Variants in OR1J2 observed in about 807,000 individuals in gnomAD.
OR1J2 encodes the protein olfactory receptor family 1 subfamily J member 2, also known as olfactory receptor 1J2.
For synonymous variants in OR1J2, 142 were observed against 99.7 expected (o/e 1.42, Z -2.52); for missense variants, 304 against 246.1 (o/e 1.24, Z -1.57).
At chr9:122,473,388 T>C in the OR1J2 span, among the ~76,000 whole-genome samples, 10 of 152,178 alleles carry the variant, frequency 6.6e-5, no homozygotes, top group East Asian at 1.5e-3. Context: ...ATCATCTCTC[T>C]AAAAGTATTC....
the OR1J2 span, among the ~76,000 whole-genome samples, chr9:122,566,553 T>C: frequency 6.6e-6 from 1 of 152,186 alleles, no homozygotes; most frequent in African/African-American, 2.4e-5. Context: ...TCTTTGAACA[T>C]GCTGCATATA....
the OR1J2 span, chr9:122,477,651 G>T: frequency 6.2e-7 from 1 of 1,614,220 alleles, no homozygotes; most frequent in South Asian, 1.1e-5. Context: ...CCTTGTAAAA[G>T]ACGGCTAGGT....
downstream of OR1J2, among the ~76,000 whole-genome samples, chr9:122,513,709 C>T (rs1372984448): frequency 6.6e-6 from 1 of 151,922 alleles, no homozygotes; most frequent in East Asian, 1.9e-4. Flanking sequence ...CACCCCCCGA[C>T]AGGCCCTGGT....
the OR1J2 span, among the ~76,000 whole-genome samples, chr9:122,448,285 C>T: frequency 6.6e-6 from 1 of 152,154 alleles, no homozygotes; most frequent in Non-Finnish European, 1.5e-5. Flanking sequence ...TCCACCTAAA[C>T]ATCTTAGTGG....
the OR1J2 span, among the ~76,000 whole-genome samples, chr9:122,498,825 T>G: frequency 6.6e-6 from 1 of 152,186 alleles, no homozygotes; most frequent in Non-Finnish European, 1.5e-5. Context: ...CCGTTAATGT[T>G]ATTATTTATT....
the OR1J2 span, among the ~76,000 whole-genome samples, chr9:122,448,635 A>G: frequency 6.6e-6 from 1 of 152,160 alleles, no homozygotes; most frequent in Non-Finnish European, 1.5e-5. Context: ...GGCTTTCTGC[A>G]GTGCATTGTG....
At chr9:122,539,521 A>G in the OR1J2 span, among the ~76,000 whole-genome samples, 1 of 152,036 alleles carries the variant, frequency 6.6e-6, no homozygotes, top group Non-Finnish European at 1.5e-5. Flanking sequence ...TCATTGTTGG[A>G]CATTTGGGTT....
the OR1J2 span, among the ~76,000 whole-genome samples, chr9:122,453,456 A>G: frequency 6.6e-6 from 1 of 152,182 alleles, no homozygotes; most frequent in Admixed American, 6.5e-5. Context: ...ACTCTGGACC[A>G]ATGCTGGGTC....
the OR1J2 span, among the ~76,000 whole-genome samples, chr9:122,530,652 G>A: frequency 6.6e-6 from 1 of 152,212 alleles, no homozygotes; most frequent in African/African-American, 2.4e-5. Context: ...CTTTGTGTGA[G>A]CAACAAGGCT....
the OR1J2 span, chr9:122,519,845 C>G: frequency 6.2e-7 from 1 of 1,614,142 alleles, no homozygotes; most frequent in Non-Finnish European, 8.5e-7. Context: ...AGGGCATCTT[C>G]AAAGCTTTGT....
the OR1J2 span, among the ~76,000 whole-genome samples, chr9:122,520,983 G>A: frequency 6.6e-6 from 1 of 152,206 alleles, no homozygotes; most frequent in Non-Finnish European, 1.5e-5. Context: ...AAGCAGCAAT[G>A]TGTAGCTGCA....
chr9:122,577,302 G>A, the OR1J2 span, among the ~76,000 whole-genome samples: 2 of 151,936 alleles, frequency 1.3e-5, no homozygotes, highest in Admixed American at 1.3e-4. Flanking sequence ...CTCCAAATTG[G>A]GTTGATCCTA....
At chr9:122,451,910 G>A in the OR1J2 span, among the ~76,000 whole-genome samples, 4 of 151,810 alleles carry the variant, frequency 2.6e-5, no homozygotes, top group Non-Finnish European at 5.9e-5. Flanking sequence ...ACGGAGTCTC[G>A]CTCTGTCGCC....
chr9:122,517,336 C>T, the OR1J2 span, among the ~76,000 whole-genome samples: 1 of 152,192 alleles, frequency 6.6e-6, no homozygotes, highest in East Asian at 1.9e-4. Context: ...GAACCTGGGC[C>T]AGGCATTCTT....
At chr9:122,568,508 T>C in the OR1J2 span, 3 of 1,338,026 alleles carry the variant, frequency 2.2e-6, no homozygotes, top group African/African-American at 4.4e-5. Flanking sequence ...ACAAGAAGTT[T>C]TGTCATTTAA....
At chr9:122,458,070 TTGTC>T in the OR1J2 span, among the ~76,000 whole-genome samples, 5 of 152,180 alleles carry the variant, frequency 3.3e-5, no homozygotes, top group Admixed American at 6.5e-5. Flanking sequence ...ATTTTCCCCT[TTGTC>T]TGATGAAATT....
At chr9:122,480,002 A>T in the OR1J2 span, among the ~76,000 whole-genome samples, 1 of 152,204 alleles carries the variant, frequency 6.6e-6, no homozygotes, top group Non-Finnish European at 1.5e-5. Flanking sequence ...CTAAAAGCTA[A>T]AAGTAATTTT....
chr9:122,484,380 T>C, the OR1J2 span, among the ~76,000 whole-genome samples: 4 of 152,122 alleles, frequency 2.6e-5, no homozygotes, highest in African/African-American at 9.7e-5. Flanking sequence ...CAGGATGGTC[T>C]CGATCTCTTG....
chr9:122,531,537 G>A, the OR1J2 span, among the ~76,000 whole-genome samples: 1 of 152,196 alleles, frequency 6.6e-6, no homozygotes, highest in East Asian at 1.9e-4. Context: ...CTATACAGGA[G>A]CTCAAATGGG....
Sources: allele counts gnomAD v4.1 joint callset (sites outside exome capture counted in the v4.1 genomes callset), GRCh38; gene constraint gnomAD v4.1.1; transcripts MANE v1.5; gene names NCBI Gene and HGNC (gene_info 2026-07-23, HGNC 2026-07-21).